The following FKBP5 variants were observed in gnomAD, a reference collection of about 807,000 sequenced individuals.
The protein encoded by FKBP5 is peptidyl-prolyl cis-trans isomerase FKBP5.
FKBP5 carries 23 observed loss-of-function variants against 50.5 expected under a neutral mutation model. The observed-to-expected ratio is 0.46, with a 90% CI of 0.33 to 0.65. The LOEUF (loss-of-function observed/expected upper bound fraction) is 0.65, where lower values mean the gene tolerates loss of function less well. FKBP5 is among the 30% of genes least tolerant of loss of function. The pLI is 0.02. For synonymous variants in FKBP5, 176 were observed against 190.6 expected, an observed-to-expected ratio of 0.92 and a Z score of 0.63; for missense variants, 411 against 553.1, an observed-to-expected ratio of 0.74 and a Z score of 2.58.
rs148272640 is a variant in FKBP5 at position 35,577,043 on chromosome 6, C to T, written c.1217G>A (p.Arg406His). Residue 406 changes from arginine to histidine, a missense_variant, in exon 10 of 11, where the codon CGC (arginine) becomes CAC (histidine). This residue lies in a region of FKBP5 where 88 missense variants were observed against 89.0 expected (regional missense o/e 0.99). Transcript: ENST00000357266. Reference sequence around the variant, plus strand: ...CTTGAACATGTTGGCGTATATCCTGCGGTCCCGCTCGTTGTGCTCCTTGGC... The same window carrying T: ...CTTGAACATGTTGGCGTATATCCTGTGGTCCCGCTCGTTGTGCTCCTTGGC... ...KKAKEHNERD[R>H]RIYANMFKKF... The T allele has an allele frequency of 6.2e-5, 100 of 1,614,038 alleles. No homozygotes were observed. Among genetic ancestry groups the T allele is most frequent in the Non-Finnish European group, 8.5e-5 (100 of 1,180,032 alleles).
chr6:35,583,665 G>A, intron 8 of FKBP5: 2 of 884,084 alleles, frequency 2.3e-6, no homozygotes, highest in South Asian at 5.2e-5. Flanking sequence ...AATGGGCAGA[G>A]GCCAGGAATG....
chr6:35,595,641 C>T (rs1300666448), intron 6 of FKBP5, among the ~76,000 whole-genome samples: 1 of 151,870 alleles, frequency 6.6e-6, no homozygotes, highest in Non-Finnish European at 1.5e-5. Flanking sequence ...GTCCCAGCTA[C>T]TCTAGAGACT....
At chr6:35,624,143 T>C (rs1763926063) in intron 3 of FKBP5, among the ~76,000 whole-genome samples, 1 of 152,138 alleles carries the variant, frequency 6.6e-6, no homozygotes, top group African/African-American at 2.4e-5. Context: ...TAACAAGAGT[T>C]TGAGAAAGAA....
At chr6:35,662,521 C>T (rs1032894133) in intron 1 of FKBP5, among the ~76,000 whole-genome samples, 6 of 151,432 alleles carry the variant, frequency 4.0e-5, no homozygotes, top group Non-Finnish European at 7.4e-5. Flanking sequence ...TGGGCTCAAG[C>T]GATCCTGCCA....
At chr6:35,629,378 T>C (rs1764087190) in intron 3 of FKBP5, among the ~76,000 whole-genome samples, 1 of 152,220 alleles carries the variant, frequency 6.6e-6, no homozygotes, top group Non-Finnish European at 1.5e-5. Flanking sequence ...ACTGCTGAGA[T>C]TACAGTAATT....
At chr6:35,705,260 T>A (rs1392688245) in intron 2 of FKBP5, among the ~76,000 whole-genome samples, 85 of 4,376 alleles carry the variant, frequency 0.019, no homozygotes, top group East Asian at 0.11. Flanking sequence ...ATATATATAT[T>A]TTTTTTTTTT....
At chr6:35,656,687 C>T (rs965827753) in intron 1 of FKBP5, among the ~76,000 whole-genome samples, 2 of 151,674 alleles carry the variant, frequency 1.3e-5, no homozygotes, top group African/African-American at 4.8e-5. Flanking sequence ...GTCAGGAGTT[C>T]GAGATTTGAG....
At chr6:35,722,650 A>G (rs1357813311) in intron 1 of FKBP5, among the ~76,000 whole-genome samples, 1 of 152,070 alleles carries the variant, frequency 6.6e-6, no homozygotes, top group Admixed American at 6.5e-5. Flanking sequence ...CCCACCAGAG[A>G]ACACCGGGCT....
chr6:35,675,742 A>C (rs1033989801), intron 1 of FKBP5, among the ~76,000 whole-genome samples: 4 of 152,182 alleles, frequency 2.6e-5, no homozygotes, highest in Non-Finnish European at 4.4e-5. Context: ...CCTTCAAGAA[A>C]CTCTCACAGT....
At chr6:35,633,965 A>G (rs1441525144) in intron 3 of FKBP5, among the ~76,000 whole-genome samples, 2 of 152,194 alleles carry the variant, frequency 1.3e-5, no homozygotes, top group Admixed American at 1.3e-4. Flanking sequence ...AAGTCAACTG[A>G]AAGTTGCCTC....
rs2151024859 is a variant in FKBP5 at position 35,721,800 on chromosome 6, T to C, written c.-240-1252A>G. On this transcript the variant is annotated intron_variant, in intron 1 of 11. Transcript: ENST00000536438. ...AAAATGCGTACTCCCAGTTGTGATTTTGACCAAGAAACTAACCTTCCTGAC... is the reference window on the plus strand; with the variant it reads ...AAAATGCGTACTCCCAGTTGTGATTCTGACCAAGAAACTAACCTTCCTGAC... Among the ~76,000 whole-genome samples, 5 of 152,368 alleles carry C rather than the reference T, an allele frequency of 3.3e-5. No homozygotes were observed. The East Asian group carries it at 7.7e-4, about 23-fold the overall frequency.
chr6:35,633,163 G>A (rs1319528573), intron 3 of FKBP5, among the ~76,000 whole-genome samples: 1 of 152,050 alleles, frequency 6.6e-6, no homozygotes, highest in African/African-American at 2.4e-5. Context: ...AGGGATCAAT[G>A]GAGTTCAATG....
Position 35,635,450 on chromosome 6 carries a change from C to CA in FKBP5, c.250+1563dup, listed in dbSNP as rs1368832176. 2.0e-3 allele frequency among the ~76,000 whole-genome samples: 289 copies of CA among 142,844 alleles called. 1 individual carries two copies. Among genetic ancestry groups the CA allele is most frequent in the Middle Eastern group, 3.5e-3 (1 of 284 alleles). 93.7% of individuals were successfully genotyped at this position (142,844 alleles called of 152,430 possible). A position where few individuals can be genotyped will look rare whatever the true frequency, so the allele number is the denominator to read the frequency against. On this transcript the variant is annotated intron_variant, in intron 3 of 10. Coordinates refer to ENST00000357266, the MANE Select transcript of FKBP5 (RefSeq NM_004117.4). ...CGGGTGACAGATCGAGACCCTGTCT[C>CA]AAAAAAAAAAGGCATTTGAAAATAA...
At chr6:35,589,131 T>C (rs555827697) in intron 7 of FKBP5, among the ~76,000 whole-genome samples, 2 of 138,758 alleles carry the variant, frequency 1.4e-5, no homozygotes, top group African/African-American at 2.7e-5. Context: ...TATATATATT[T>C]TTTTTTTTTT....
intron 1 of FKBP5, among the ~76,000 whole-genome samples, chr6:35,656,895 CA>C (rs35579361): frequency 0.1 from 11,543 of 110,928 alleles, 1,059 homozygotes; most frequent in African/African-American, 0.28. Context: ...GACTCCGTCT[CA>C]AAAAAAAAAA....
intron 1 of FKBP5, among the ~76,000 whole-genome samples, chr6:35,679,418 T>C (rs754594131): frequency 6.6e-6 from 1 of 152,242 alleles, no homozygotes; most frequent in Non-Finnish European, 1.5e-5. Context: ...TATTCTGTCA[T>C]TTCAGAGAAA....
chr6:35,648,417 T>C (rs904802767), intron 1 of FKBP5, among the ~76,000 whole-genome samples: 1 of 151,914 alleles, frequency 6.6e-6, no homozygotes, highest in Non-Finnish European at 1.5e-5. Flanking sequence ...TATAGACATG[T>C]GCCACCACAC....
At chr6:35,636,228 A>G (rs1225997340) in intron 3 of FKBP5, among the ~76,000 whole-genome samples, 1 of 152,228 alleles carries the variant, frequency 6.6e-6, no homozygotes, top group African/African-American at 2.4e-5. Context: ...TCAAGCCCAC[A>G]GTGGCAAATA....
intron 1 of FKBP5, among the ~76,000 whole-genome samples, chr6:35,683,120 A>ATG (rs35830022): frequency 0.018 from 1,429 of 80,586 alleles, 43 homozygotes; most frequent in Middle Eastern, 0.034. Context: ...ATATACGTAT[A>ATG]TGTGTGTGTG....
Sources: gnomAD v4.1 joint callset for allele counts (sites outside exome capture counted in the v4.1 genomes callset) on GRCh38, gnomAD v4.1.1 for gene constraint, gnomAD v4.1.1 regional missense constraint, MANE v1.5 for transcripts, NCBI Gene and HGNC (gene_info 2026-07-23, HGNC 2026-07-21) for gene names.